The following MICOS10 variants were observed in gnomAD, a reference collection of about 807,000 sequenced individuals.
MICOS10 encodes MICOS complex subunit MIC10.
MICOS10 carries 5 observed loss-of-function variants against 13.4 expected under a neutral mutation model. That is an observed-to-expected ratio of 0.37 (90% CI 0.20 to 0.78). The LOEUF is 0.78. MICOS10 is among the 30% of genes least tolerant of loss of function. The pLI, the probability that MICOS10 is intolerant of heterozygous loss-of-function variation, is 0.47. For synonymous variants in MICOS10, 35 were observed against 33.6 expected (o/e 1.04, Z -0.15); for missense variants, 101 against 94.6 (o/e 1.07, Z -0.28).
At chr1:19,608,103 G>A (rs556486171) in intron 1 of MICOS10, 6 of 949,712 alleles carry the variant, frequency 6.3e-6, no homozygotes, top group Admixed American at 3.4e-5. Context: ...GTCTGGAGAC[G>A]ACGTGCAGAA....
At chr1:19,614,501 T>A (rs1269011220) in intron 1 of MICOS10, 1 of 152,084 alleles carries the variant, frequency 6.6e-6, no homozygotes, top group Non-Finnish European at 1.5e-5. Flanking sequence ...TTATTTTTAG[T>A]AGAGACGGGG....
intron 1 of MICOS10, among the ~76,000 whole-genome samples, chr1:19,606,443 T>C (rs578002179): frequency 7.2e-5 from 11 of 152,214 alleles, no homozygotes; most frequent in Admixed American, 7.2e-4. Flanking sequence ...TGCTTCTTCC[T>C]TGTTACGAAA....
At chr1:19,609,370 A>G (rs1185944119) in intron 1 of MICOS10, among the ~76,000 whole-genome samples, 2 of 152,228 alleles carry the variant, frequency 1.3e-5, no homozygotes, top group Non-Finnish European at 2.9e-5. Flanking sequence ...CTGTGGAACA[A>G]CTGGGACTCT....
intron 1 of MICOS10, among the ~76,000 whole-genome samples, chr1:19,614,169 G>A (rs1032314860): frequency 2.8e-4 from 42 of 151,778 alleles, no homozygotes; most frequent in African/African-American, 8.5e-4. Flanking sequence ...TCCGCCTCCC[G>A]GGTTCAAGAA....
intron 1 of MICOS10, chr1:19,600,750 C>T (rs1486678234): frequency 2.3e-6 from 1 of 440,142 alleles, no homozygotes; most frequent in South Asian, 1.8e-5. Context: ...TGTGGGTACG[C>T]ACCACCATAC....
intron 1 of MICOS10, among the ~76,000 whole-genome samples, chr1:19,617,868 T>G (rs933549599): frequency 8.6e-5 from 13 of 152,018 alleles, no homozygotes; most frequent in Admixed American, 6.6e-4. Flanking sequence ...CAAAATGGTC[T>G]AGTTAAGCAG....
intron 1 of MICOS10, among the ~76,000 whole-genome samples, chr1:19,613,653 T>C (rs2094872641): frequency 6.6e-6 from 1 of 152,208 alleles, no homozygotes; most frequent in African/African-American, 2.4e-5. Context: ...GGGCGTGGCA[T>C]AGTACCTGGC....
chr1:19,629,005 C>A lies in MICOS10; in HGVS notation c.*2604C>A, dbSNP rs1275711246. 1.3e-5 allele frequency: 2 copies of A among 152,274 alleles called. No homozygotes were observed. The highest frequency in any genetic ancestry group is 4.8e-5 in the African/African-American group (2 of 41,458). The allele number at this position is 152,274 out of a possible 1,614,324, so 9.4% of individuals were successfully genotyped here. A position where few individuals can be genotyped will look rare whatever the true frequency, so the allele number is the denominator to read the frequency against. Reference sequence around the variant, plus strand: ...GATAGAGGCCACAGGAAGCACTGGCCAGTTGCTTTAGTTCTAGATAGCTTT... The same window carrying A: ...GATAGAGGCCACAGGAAGCACTGGCAAGTTGCTTTAGTTCTAGATAGCTTT... On this transcript the variant is annotated 3_prime_UTR_variant, in exon 4 of 4. Transcript: ENST00000322753.
At chr1:19,606,100 A>G (rs2094833647) in intron 1 of MICOS10, among the ~76,000 whole-genome samples, 1 of 152,188 alleles carries the variant, frequency 6.6e-6, no homozygotes, top group African/African-American at 2.4e-5. Context: ...AATCTTGCCA[A>G]AGATGAGCTG....
chr1:19,617,221 C>A, intron 1 of MICOS10: 1 of 947,662 alleles, frequency 1.1e-6, no homozygotes, highest in Non-Finnish European at 1.3e-6. Context: ...ACCTTTGTTT[C>A]TTTCCATTGC....
chr1:19,601,920 CCTGCCA>C (rs1422557699), intron 1 of MICOS10, among the ~76,000 whole-genome samples: 4 of 152,136 alleles, frequency 2.6e-5, no homozygotes, highest in Non-Finnish European at 5.9e-5. Context: ...TATTCTTATT[CCTGCCA>C]CTGCCACTAC....
At chr1:19,625,373 C>T (rs2094918194) in intron 3 of MICOS10, 2 of 1,288,238 alleles carry the variant, frequency 1.6e-6, no homozygotes, top group Non-Finnish European at 2.0e-6. Context: ...CTGCCACGGC[C>T]CTGCACCTGC....
chr1:19,607,019 C>A (rs538734622), intron 1 of MICOS10, among the ~76,000 whole-genome samples: 1 of 152,322 alleles, frequency 6.6e-6, no homozygotes, highest in South Asian at 2.1e-4. Flanking sequence ...CAAAAATTGC[C>A]TGTTGGTAGC....
chr1:19,624,797 A>G (rs1317471692), intron 3 of MICOS10, among the ~76,000 whole-genome samples: 1 of 145,534 alleles, frequency 6.9e-6, no homozygotes, highest in Non-Finnish European at 1.5e-5. Context: ...CCAGGGCCTG[A>G]AACAAAATAG....
At chr1:19,623,866 A>AT (rs2094912955) in intron 3 of MICOS10, 1 of 252,380 alleles carries the variant, frequency 4.0e-6, no homozygotes. Flanking sequence ...GGTAAGGTAG[A>AT]TTGTGTTAAC....
In MICOS10 at chr1:19,599,938, C is replaced by T. The variant is rs78735189; in HGVS notation, c.64+2829C>T. Among the ~76,000 whole-genome samples the T allele has an allele frequency of 2.7e-3, 407 of 152,180 alleles. 6 individuals are homozygous for T. In the East Asian group the frequency reaches 0.056, roughly 21 times the overall value. On this transcript the variant is annotated intron_variant, in intron 1 of 3. Coordinates refer to ENST00000322753, the MANE Select transcript of MICOS10 (RefSeq NM_001032363.4). Reference sequence around the variant, plus strand: ...TCTATTGCTTCCAGGGCTCACTAGGCATAGGCTGGTGGGTAATCATGGGAT... The same window carrying T: ...TCTATTGCTTCCAGGGCTCACTAGGTATAGGCTGGTGGGTAATCATGGGAT...
chr1:19,611,970 CAAA>C (rs1198566051), intron 1 of MICOS10, among the ~76,000 whole-genome samples: 3 of 91,356 alleles, frequency 3.3e-5, no homozygotes. Context: ...GGCTCCATCT[CAAA>C]AAAAAAAAAA....
At chr1:19,608,395 C>A in intron 1 of MICOS10, 1 of 1,259,362 alleles carries the variant, frequency 7.9e-7, no homozygotes, top group Non-Finnish European at 1.2e-6. Context: ...TTGCCCTACA[C>A]ATCCAACTCC....
Position 19,607,475 on chromosome 1 carries a change from T to G in MICOS10, c.64+10366T>G, listed in dbSNP as rs558858428. ...ATATTTACTTATAAAAGTCATTTGG[T>G]GTAGTAATATTTTTACTATGGCCAC... On this transcript the variant is annotated intron_variant, in intron 1 of 3. Coordinates refer to ENST00000322753, the MANE Select transcript of MICOS10 (RefSeq NM_001032363.4). Among the ~76,000 whole-genome samples the G allele has an allele frequency of 6.0e-4, 92 of 152,332 alleles. 2 individuals are homozygous for G. Among genetic ancestry groups the G allele is most frequent in the African/African-American group, 2.1e-3 (86 of 41,564 alleles).
Sources: allele counts gnomAD v4.1 joint callset (sites outside exome capture counted in the v4.1 genomes callset), GRCh38; gene constraint gnomAD v4.1.1; transcripts MANE v1.5; gene names NCBI Gene and HGNC (gene_info 2026-07-23, HGNC 2026-07-21).